ZNF154: variants seen among roughly 807,000 people sequenced by gnomAD.
ZNF154 encodes zinc finger protein 154 (pHZ-92).
Under a neutral mutation model 7.5 loss-of-function variants are expected in ZNF154, and 6 were observed. The ratio of observed to expected loss-of-function variants is 0.80; its 90% confidence interval spans 0.44 to 1.57. ZNF154 has a LOEUF of 1.57. ZNF154 is among the 40% of genes most tolerant of loss of function. ZNF154 has a pLI of 0.01. For missense variants in ZNF154, 485 were observed against 531.4 expected (o/e 0.91, Z 0.86); for synonymous variants, 187 against 185.9 (o/e 1.01, Z -0.05).
chr19:57,701,944 C>G lies in ZNF154; in HGVS notation c.1005G>C (p.Gly335=). 6.2e-7 allele frequency: 1 copy of G among 1,612,604 alleles called. No individual in the cohort carries two copies. Among genetic ancestry groups the G allele is most frequent in the Non-Finnish European group, 8.5e-7 (1 of 1,179,732 alleles). The change falls in exon 3 of 3, where the codon GGG becomes GGC. Residue 335 remains glycine, a synonymous_variant. Transcript: ENST00000684351. ...GERPYKCSEC[G]KSFSQRSALL... is the part of the protein sequence containing the mutation. ...GTGCAGACCTTTGGCTAAAGGATTTCCCACATTCGCTGCACTTATAAGGCC... is the reference window on the plus strand; with the variant it reads ...GTGCAGACCTTTGGCTAAAGGATTTGCCACATTCGCTGCACTTATAAGGCC...
chr19:57,704,993 A>T lies in ZNF154; in HGVS notation c.34-14T>A, dbSNP rs1285306860. ...GGTCACAGTGCCCTGCCACAATGGG[A>T]ACAGATGAAACCACCAAGAGCCCCT... On this transcript the variant is annotated splice_polypyrimidine_tract_variant and intron_variant, in intron 1 of 2. Transcript: ENST00000684351. 1 of 1,601,758 alleles carries T rather than the reference A, an allele frequency of 6.2e-7. No individual in the cohort carries two copies. The highest frequency in any genetic ancestry group is 1.4e-5 in the African/African-American group (1 of 73,992).
chr19:57,702,456 C>A lies in ZNF154; in HGVS notation c.493G>T (p.Glu165Ter). ...CTTTTGCTAAAGGATTTCCCACATTCACTGCATATGTAACATCTTTCTGTA... is the reference window on the plus strand; with the variant it reads ...CTTTTGCTAAAGGATTTCCCACATTAACTGCATATGTAACATCTTTCTGTA... Reference protein sequence around the residue: ...LTTERCYICSECGKSFSKSYS... With the variant: ...LTTERCYICS The change falls in exon 3 of 3, where the codon GAA becomes TAA. Residue 165 changes from glutamate to a stop codon, truncating the protein, a stop_gained. Transcript: ENST00000684351. LOFTEE classifies it low-confidence loss of function (END_TRUNC). The A allele has an allele frequency of 1.9e-6, 3 of 1,614,226 alleles. No homozygotes were observed.
Position 57,698,439 on chromosome 19 carries a change from C to G in ZNF154, c.*3196G>C, listed in dbSNP as rs932248104. On this transcript the variant is annotated 3_prime_UTR_variant, in exon 3 of 3. Coordinates refer to ENST00000684351, the MANE Select transcript of ZNF154 (RefSeq NM_001085384.3). Reference sequence around the variant, plus strand: ...GGCCACTGTATCAGTATGGTAGAAACAGAATATATTAGGATGCTATCAGCA... The same window carrying G: ...GGCCACTGTATCAGTATGGTAGAAAGAGAATATATTAGGATGCTATCAGCA... 1 of 152,116 alleles carries G rather than the reference C, an allele frequency of 6.6e-6. No homozygotes were observed. Among genetic ancestry groups the G allele is most frequent in the Non-Finnish European group, 1.5e-5 (1 of 68,024 alleles). The allele number at this position is 152,116 out of a possible 1,614,324, so 9.4% of individuals were successfully genotyped here.
Position 57,702,522 on chromosome 19 carries a change from T to C in ZNF154, c.427A>G (p.Ser143Gly), listed in dbSNP as rs770489834. Residue 143 changes from serine (S) to glycine (G), a missense_variant, in exon 3 of 3, where the codon AGC becomes GGC. Transcript: ENST00000684351. ...TGCTGAACAAGTGTGTGTTTACCGCTGAATGCTTTTGTGTGTTCTCCACAG... is the reference window on the plus strand; with the variant it reads ...TGCTGAACAAGTGTGTGTTTACCGCCGAATGCTTTTGTGTGTTCTCCACAG... ...YNCGEHTKAF[S>G]GKHTLVQQQR... is the part of the protein sequence containing the mutation. The C allele has an allele frequency of 9.9e-6, 16 of 1,614,250 alleles. No individual in the cohort carries two copies. Among genetic ancestry groups the C allele is most frequent in the Non-Finnish European group, 1.3e-5 (15 of 1,180,040 alleles).
chr19:57,703,975 C>T (rs529620820), intron 2 of ZNF154, among the ~76,000 whole-genome samples: 1 of 152,240 alleles, frequency 6.6e-6, no homozygotes, highest in African/African-American at 2.4e-5. Context: ...TGCCACTGCA[C>T]TCCAGCCTGG....
chr19:57,705,723 C>T (rs1985357789), intron 1 of ZNF154, among the ~76,000 whole-genome samples: 2 of 145,020 alleles, frequency 1.4e-5, no homozygotes, highest in African/African-American at 2.6e-5. Context: ...AACTGCACTC[C>T]AGTCTGGGCG....
Position 57,696,767 on chromosome 19 carries a change from A to T in ZNF154, c.*4868T>A, listed in dbSNP as rs536536707. 6.6e-6 allele frequency among the ~76,000 whole-genome samples: 1 copy of T among 152,248 alleles called. No homozygotes were observed. The highest frequency in any genetic ancestry group is 1.5e-5 in the Non-Finnish European group (1 of 68,012). On this transcript the variant is annotated 3_prime_UTR_variant, in exon 3 of 3. Coordinates refer to ENST00000684351, the MANE Select transcript of ZNF154 (RefSeq NM_001085384.3). ...CCCAGGAAATCCCTCAGCTATAAAT[A>T]CAGTCCCTCAGCACTTTTCACTCCC...
rs1465588722 is a variant in ZNF154, at chr19:57,697,918, A to G, written c.*3717T>C. The G allele has an allele frequency of 6.6e-6, 1 of 152,200 alleles. No homozygotes were observed. Among genetic ancestry groups the G allele is most frequent in the African/African-American group, 2.4e-5 (1 of 41,458 alleles). 9.4% of individuals were successfully genotyped at this position (152,200 alleles called of 1,614,324 possible). ...AATTAATTTTATATGTTGAGAATGAACTAAAAAGACAGAAGGAAACTGCGT... is the reference window on the plus strand; with the variant it reads ...AATTAATTTTATATGTTGAGAATGAGCTAAAAAGACAGAAGGAAACTGCGT... On this transcript the variant is annotated 3_prime_UTR_variant, in exon 3 of 3. Transcript: ENST00000684351.
chr19:57,705,233 A>G (rs1387825618), intron 1 of ZNF154, among the ~76,000 whole-genome samples: 2 of 151,766 alleles, frequency 1.3e-5, no homozygotes, highest in East Asian at 3.9e-4. Context: ...GCTGTCACTT[A>G]CTCCCTTTCC....
Position 57,702,646 on chromosome 19 carries a change from C to A in ZNF154, c.303G>T (p.Lys101Asn), listed in dbSNP as rs1174382386. 1 of 1,613,606 alleles carries A rather than the reference C, an allele frequency of 6.2e-7. No homozygotes were observed. The highest frequency in any genetic ancestry group is 1.3e-5 in the African/African-American group (1 of 75,000). The change falls in exon 3 of 3, where the codon AAG (lysine) becomes AAT (asparagine). Residue 101 changes from lysine (K) to asparagine (N), a missense_variant. Physicochemically the swap from Lys to Asn is moderately conservative, Grantham distance 94 (BLOSUM62 0). Transcript: ENST00000684351. The stretch of plus-strand genomic sequence containing the variant: ...CAGCCTGTTGATGGAGAAATCCCAA[C>A]TTGGCCAGGAAGTCCTTCCCAACTT... Reference protein sequence around the residue: ...CREVGKDFLAKLGFLHQQAAH... With the variant: ...CREVGKDFLANLGFLHQQAAH...
chr19:57,708,365 G>A (rs1356272332), intron 1 of ZNF154, among the ~76,000 whole-genome samples: 1 of 152,122 alleles, frequency 6.6e-6, no homozygotes, highest in Non-Finnish European at 1.5e-5. Flanking sequence ...AGGAGTTCCA[G>A]ACCAGTCTGG....
chr19:57,696,633 GGGGAGGCCAGAGCATGAAGGCAGA>G lies in ZNF154; in HGVS notation c.*4978_*5001del, dbSNP rs1332067022. On this transcript the variant is annotated 3_prime_UTR_variant, in exon 3 of 3. Coordinates refer to ENST00000684351, the MANE Select transcript of ZNF154 (RefSeq NM_001085384.3). ...CAAGACCCAGGGTGGTAACTTGCAG[GGGGAGGCCAGAGCATGAAGGCAGA>G]GGGAGGTTTTGGGTGCAGCCTCCAA... Among the ~76,000 whole-genome samples, 1 of 152,172 alleles carries G rather than the reference GGGGAGGCCAGAGCATGAAGGCAGA, an allele frequency of 6.6e-6. No individual in the cohort carries two copies. The highest frequency in any genetic ancestry group is 1.5e-5 in the Non-Finnish European group (1 of 68,038).
chr19:57,702,616 G>T lies in ZNF154; in HGVS notation c.333C>A (p.His111Gln), dbSNP rs370830802. 87 of 1,614,052 alleles carry T rather than the reference G, an allele frequency of 5.4e-5. No individual in the cohort carries two copies. Among genetic ancestry groups the T allele is most frequent in the Non-Finnish European group, 7.3e-5 (86 of 1,180,036 alleles). The change falls in exon 3 of 3, where the codon CAC becomes CAA. Residue 111 changes from histidine to glutamine, a missense_variant. His to Gln is a conservative substitution (Grantham distance 24). Transcript: ENST00000684351. ...KLGFLHQQAA[H>Q]TGEQSNSKSD... Reference sequence around the variant, plus strand: ...TTTTGCTATTTGATTGCTCCCCAGTGTGAGCAGCCTGTTGATGGAGAAATC... The same window carrying T: ...TTTTGCTATTTGATTGCTCCCCAGTTTGAGCAGCCTGTTGATGGAGAAATC...
In ZNF154 at chr19:57,709,041, C is replaced by G; in HGVS notation, c.-70G>C. 1 of 1,545,200 alleles carries G rather than the reference C, an allele frequency of 6.5e-7. No individual in the cohort carries two copies. The highest frequency in any genetic ancestry group is 2.0e-5 in the Admixed American group (1 of 50,960). ...GGTAGGGACCCGGGGACAGCGGTCC[C>G]TATCCCAGGCCTGACGTGGGTCCCC... On this transcript the variant is annotated 5_prime_UTR_variant, in exon 1 of 3. Coordinates refer to ENST00000684351, the MANE Select transcript of ZNF154 (RefSeq NM_001085384.3).
In ZNF154 at chr19:57,701,339, G is replaced by C. The variant is rs1985124733; in HGVS notation, c.*296C>G. On this transcript the variant is annotated 3_prime_UTR_variant, in exon 3 of 3. Transcript: ENST00000684351. ...ATAGTATCAGCAGAGACATAAATCT[G>C]ACATGGGCCCTGGGCAGGGCAAAAG... The C allele has an allele frequency of 2.7e-6, 1 of 364,284 alleles. No individual in the cohort carries two copies. The highest frequency in any genetic ancestry group is 4.0e-5 in the South Asian group (1 of 25,264). The allele number at this position is 364,284 out of a possible 1,614,324, so 22.6% of individuals were successfully genotyped here. A position where few individuals can be genotyped will look rare whatever the true frequency, so the allele number is the denominator to read the frequency against.
intron 1 of ZNF154, among the ~76,000 whole-genome samples, chr19:57,705,832 G>A (rs1344530052): frequency 6.6e-6 from 1 of 151,848 alleles, no homozygotes; most frequent in African/African-American, 2.4e-5. Flanking sequence ...AGGACAACAT[G>A]TACCACACAG....
Position 57,699,891 on chromosome 19 carries a change from TG to T in ZNF154, c.*1743del, listed in dbSNP as rs1385967823. 1.3e-5 allele frequency: 2 copies of T among 152,372 alleles called. No homozygotes were observed. The highest frequency in any genetic ancestry group is 4.8e-5 in the African/African-American group (2 of 41,522). The allele number at this position is 152,372 out of a possible 1,614,324, so 9.4% of individuals were successfully genotyped here. A position where few individuals can be genotyped will look rare whatever the true frequency, so the allele number is the denominator to read the frequency against. On this transcript the variant is annotated 3_prime_UTR_variant, in exon 3 of 3. Transcript: ENST00000684351. ...GGGAGGCTGAGGCAGAAGAATCGCTTGAACCTGGGAGGCGGAGGTTGCAATG... is the reference window on the plus strand; with the variant it reads ...GGGAGGCTGAGGCAGAAGAATCGCTTAACCTGGGAGGCGGAGGTTGCAATG...
intron 1 of ZNF154, among the ~76,000 whole-genome samples, chr19:57,708,014 A>G (rs1230512132): frequency 6.6e-6 from 1 of 152,134 alleles, no homozygotes; most frequent in Admixed American, 6.5e-5. Context: ...CCACTTCCCT[A>G]TGTGAGTTCC....
At chr19:57,702,848 T>C in intron 2 of ZNF154, 60 bp from the exon 3 acceptor site, 1 of 1,519,238 alleles carries the variant, frequency 6.6e-7, no homozygotes, top group Non-Finnish European at 8.9e-7. Flanking sequence ...CTGCCTATGA[T>C]GTGTCCCCTA....
Sources: gnomAD v4.1 joint callset for allele counts (sites outside exome capture counted in the v4.1 genomes callset) on GRCh38, gnomAD v4.1.1 for gene constraint, MANE v1.5 for transcripts, NCBI Gene and HGNC (gene_info 2026-07-23, HGNC 2026-07-21) for gene names.